Variants in DHTKD1 observed in about 807,000 individuals in gnomAD.
DHTKD1 encodes the protein 2-oxoadipate dehydrogenase complex component E1.
A neutral mutation model predicts 101.8 loss-of-function variants in DHTKD1; 78 were observed. The ratio of observed to expected loss-of-function variants is 0.77; its 90% CI spans 0.64 to 0.93. DHTKD1 has a LOEUF of 0.93. DHTKD1 is among the 40% of genes least tolerant of loss of function. DHTKD1 has a pLI of 0.00. For missense variants in DHTKD1, 1,223 were observed against 1,161.7 expected (o/e 1.05, Z -0.77); for synonymous variants, 462 against 450.3 (o/e 1.03, Z -0.33).
chr10:12,094,023 T>C, intron 6 of DHTKD1, 50 bp from the exon 7 acceptor site: 2 of 1,486,494 alleles, frequency 1.3e-6, no homozygotes, highest in Middle Eastern at 2.2e-4. Context: ...AGAGGGCCAG[T>C]GTCATTCTGG....
At chr10:12,081,204 G>C (rs1832810687) in intron 1 of DHTKD1, among the ~76,000 whole-genome samples, 1 of 147,108 alleles carries the variant, frequency 6.8e-6, no homozygotes, top group South Asian at 2.1e-4. Flanking sequence ...AACCTGGGAG[G>C]CAGAGCTTGC....
At chr10:12,119,353 C>T (rs1190352968) in intron 15 of DHTKD1, among the ~76,000 whole-genome samples, 3 of 150,886 alleles carry the variant, frequency 2.0e-5, no homozygotes, top group Non-Finnish European at 4.4e-5. Flanking sequence ...CGGTGCCTCA[C>T]GCCTGTAGTC....
intron 12 of DHTKD1, among the ~76,000 whole-genome samples, chr10:12,108,969 CAG>C (rs1833288642): frequency 6.6e-6 from 1 of 151,824 alleles, no homozygotes; most frequent in South Asian, 2.1e-4. Flanking sequence ...CTGGCTAACA[CAG>C]AGAAACCCCA....
Position 12,101,123 on chromosome 10 carries a change from C to T in DHTKD1, c.1838C>T (p.Thr613Met), listed in dbSNP as rs762902311. The T allele has an allele frequency of 6.2e-6, 10 of 1,613,898 alleles. No individual in the cohort carries two copies. The East Asian group carries it at 6.7e-5, about 11-fold the overall frequency. ...QRHAIVVCQE[T>M]DDTYIPLNHM... ...CATGCAATCGTGGTTTGCCAGGAGA[C>T]GGATGACACCTACATCCCCCTGAAC... The change falls in exon 10 of 17, where the codon ACG (threonine) becomes ATG (methionine). Residue 613 changes from threonine to methionine, a missense_variant. By Grantham distance (81) the Thr-to-Met change is moderately conservative. Transcript: ENST00000263035.
At chr10:12,071,849 A>C (rs868253777) in intron 1 of DHTKD1, among the ~76,000 whole-genome samples, 1 of 152,218 alleles carries the variant, frequency 6.6e-6, no homozygotes, top group South Asian at 2.1e-4. Context: ...ATACTTCCTA[A>C]GGAATGAAAA....
At chr10:12,076,849 G>A (rs989178727) in intron 1 of DHTKD1, among the ~76,000 whole-genome samples, 2 of 151,474 alleles carry the variant, frequency 1.3e-5, no homozygotes, top group Admixed American at 6.6e-5. Context: ...TAGTAGAGAC[G>A]GTTTCACCGT....
chr10:12,069,332 C>T (rs1355450217), intron 1 of DHTKD1, 145 bp downstream of exon 1: 8 of 749,658 alleles, frequency 1.1e-5, no homozygotes, highest in Non-Finnish European at 1.7e-5. Flanking sequence ...GTGAGGGGAG[C>T]AGAGGGTAGG....
At chr10:12,079,275 G>C (rs1185014995) in intron 1 of DHTKD1, among the ~76,000 whole-genome samples, 4 of 152,120 alleles carry the variant, frequency 2.6e-5, no homozygotes, top group Admixed American at 6.6e-5. Context: ...TGGGCAAAGA[G>C]AAGTCCCTCA....
At chr10:12,071,011 A>G (rs1832642923) in intron 1 of DHTKD1, among the ~76,000 whole-genome samples, 1 of 152,138 alleles carries the variant, frequency 6.6e-6, no homozygotes, top group African/African-American at 2.4e-5. Context: ...AACACTGCCC[A>G]TCAGCTTTCT....
In DHTKD1 at chr10:12,099,945, G is replaced by A. The variant is rs1398764074; in HGVS notation, c.1672-233G>A. On this transcript the variant is annotated intron_variant, in intron 8 of 16. Coordinates refer to ENST00000263035, the MANE Select transcript of DHTKD1 (RefSeq NM_018706.7). ...TGAGTAGCTGGTATCATAGAGACACGCCACCAGGCCTAGCTAATTTTTGTA... is the reference window on the plus strand; with the variant it reads ...TGAGTAGCTGGTATCATAGAGACACACCACCAGGCCTAGCTAATTTTTGTA... Among the ~76,000 whole-genome samples, 2 of 151,580 alleles carry A rather than the reference G, an allele frequency of 1.3e-5. No homozygotes were observed. Among genetic ancestry groups the A allele is most frequent in the Admixed American group, 6.6e-5 (1 of 15,186 alleles).
chr10:12,098,852 A>T (rs1197234772), intron 8 of DHTKD1, among the ~76,000 whole-genome samples: 1 of 152,222 alleles, frequency 6.6e-6, no homozygotes, highest in Non-Finnish European at 1.5e-5. Context: ...GGTGTGAGCC[A>T]CCATGCCTAA....
At chr10:12,073,252 C>T (rs867175607) in intron 1 of DHTKD1, among the ~76,000 whole-genome samples, 10 of 151,980 alleles carry the variant, frequency 6.6e-5, no homozygotes, top group Admixed American at 2.0e-4. Context: ...AGGGTGGTAT[C>T]GAACTCCTGA....
chr10:12,081,363 A>G, intron 1 of DHTKD1, 109 bp from the exon 2 acceptor site: 3 of 852,584 alleles, frequency 3.5e-6, no homozygotes, highest in Non-Finnish European at 5.7e-6. Context: ...AAATAAATAA[A>G]TAAAAAGTAA....
At position 12,101,075 on chromosome 10, in the gene DHTKD1, G is replaced by A; in HGVS notation, c.1790G>A (p.Gly597Asp). The A allele has an allele frequency of 6.2e-7, 1 of 1,614,076 alleles. No homozygotes were observed. Among genetic ancestry groups the A allele is most frequent in the Non-Finnish European group, 8.5e-7 (1 of 1,180,020 alleles). The change falls in exon 10 of 17, where the codon GGT becomes GAT. Residue 597 changes from glycine to aspartate, a missense_variant. Physicochemically the swap from Gly to Asp is moderately conservative, Grantham distance 94 (BLOSUM62 -1). Transcript: ENST00000263035. Reference protein sequence around the residue: ...FNVRLSGQDVGRGTFSQRHAI... With the variant: ...FNVRLSGQDVDRGTFSQRHAI... The stretch of plus-strand genomic sequence containing the variant: ...GTTCGTCTAAGTGGCCAAGATGTTG[G>A]TCGTGGAACTTTCAGTCAGAGGCAT...
chr10:12,098,839 A>G (rs1833113362), intron 8 of DHTKD1, among the ~76,000 whole-genome samples: 1 of 152,164 alleles, frequency 6.6e-6, no homozygotes, highest in Admixed American at 6.6e-5. Context: ...TGCTGGGTTT[A>G]CAGGTGTGAG....
At position 12,094,276 on chromosome 10, in the gene DHTKD1, A is replaced by G. The variant is rs1833035944; in HGVS notation, c.1358+5A>G. On this transcript the variant is annotated splice_donor_5th_base_variant and intron_variant, in intron 7 of 16. Coordinates refer to ENST00000263035, the MANE Select transcript of DHTKD1 (RefSeq NM_018706.7). ...CATCATGTACAAAATCATCAGGTACAATTATAAACCCTTGTGTGATATGCC... is the reference window on the plus strand; with the variant it reads ...CATCATGTACAAAATCATCAGGTACGATTATAAACCCTTGTGTGATATGCC... The G allele has an allele frequency of 6.2e-6, 10 of 1,613,128 alleles. No individual in the cohort carries two copies. The highest frequency in any genetic ancestry group is 8.5e-6 in the Non-Finnish European group (10 of 1,179,062).
chr10:12,109,262 C>G (rs1588616734), intron 12 of DHTKD1, among the ~76,000 whole-genome samples: 1 of 151,866 alleles, frequency 6.6e-6, no homozygotes, highest in African/African-American at 2.4e-5. Flanking sequence ...AATGTATAAA[C>G]AGATGATAGC....
chr10:12,091,100 G>T (rs1394272282), intron 5 of DHTKD1, among the ~76,000 whole-genome samples: 2 of 151,920 alleles, frequency 1.3e-5, no homozygotes, highest in African/African-American at 4.8e-5. Flanking sequence ...AGGTGAAAAG[G>T]CCATTTTCTT....
At chr10:12,119,534 T>A (rs1184136757) in intron 15 of DHTKD1, among the ~76,000 whole-genome samples, 2 of 143,564 alleles carry the variant, frequency 1.4e-5, no homozygotes, top group African/African-American at 2.6e-5. Flanking sequence ...GAGAATGGCG[T>A]GAACCCGGGA....
Sources: allele counts gnomAD v4.1 joint callset (sites outside exome capture counted in the v4.1 genomes callset), GRCh38; gene constraint gnomAD v4.1.1; transcripts MANE v1.5; gene names NCBI Gene and HGNC (gene_info 2026-07-23, HGNC 2026-07-21).